Variants in VPS41 observed in about 807,000 individuals in gnomAD.
VPS41 encodes the protein VPS41 subunit of HOPS complex.
In VPS41, 85 loss-of-function variants were observed where a neutral mutation model predicts 130.9. The ratio of observed to expected loss-of-function variants is 0.65; its 90% CI spans 0.55 to 0.78. VPS41 has a LOEUF of 0.78. Among genes scored for constraint, VPS41 ranks in the 30% least tolerant of loss-of-function variants. VPS41 has a pLI of 0.00. For missense variants in VPS41, 874 were observed against 1,018.7 expected (o/e 0.86, Z 1.93); for synonymous variants, 335 against 332.9 (o/e 1.01, Z -0.07).
intron 4 of VPS41, among the ~76,000 whole-genome samples, chr7:38,837,657 G>T (rs1337617505): frequency 1.3e-5 from 2 of 152,176 alleles, no homozygotes; most frequent in Non-Finnish European, 2.9e-5. Context: ...CAGAAGTCTT[G>T]GGTAGATTTG....
chr7:38,821,058 C>T, intron 6 of VPS41, 145 bp downstream of exon 6: 1 of 628,724 alleles, frequency 1.6e-6, no homozygotes. Context: ...TTCACAGCAT[C>T]TAAATAGTAT....
chr7:38,778,596 T>C (rs1013723493), intron 10 of VPS41, among the ~76,000 whole-genome samples: 3 of 152,190 alleles, frequency 2.0e-5, no homozygotes, highest in Admixed American at 6.5e-5. Flanking sequence ...ACTTGCATTC[T>C]GTTTTACTAA....
intron 4 of VPS41, among the ~76,000 whole-genome samples, chr7:38,845,657 C>G (rs1785707863): frequency 6.6e-6 from 1 of 152,218 alleles, no homozygotes; most frequent in Admixed American, 6.5e-5. Context: ...AGACAGAAAA[C>G]TAATGGGACC....
At chr7:38,890,381 G>A (rs1054708671) in intron 2 of VPS41, among the ~76,000 whole-genome samples, 2 of 152,140 alleles carry the variant, frequency 1.3e-5, no homozygotes, top group African/African-American at 4.8e-5. Flanking sequence ...AGTTGGATGT[G>A]CGGCAAGGAG....
intron 2 of VPS41, among the ~76,000 whole-genome samples, chr7:38,893,376 A>C (rs752283728): frequency 6.6e-6 from 1 of 152,246 alleles, no homozygotes; most frequent in Non-Finnish European, 1.5e-5. Flanking sequence ...AACTGAAGCC[A>C]TTCCTGACCA....
chr7:38,729,928 A>T lies in VPS41; in HGVS notation c.2260-1137T>A, dbSNP rs575020002. 1.6e-3 allele frequency among the ~76,000 whole-genome samples: 239 copies of T among 151,496 alleles called. 2 individuals carry two copies. The highest frequency in any genetic ancestry group is 4.9e-3 in the African/African-American group (204 of 41,280). ...AGATGTCATTTCATTTATTATTATT[A>T]TTTTTTTTTAACCAGAACTTGTTGC... On this transcript the variant is annotated intron_variant, in intron 25 of 28. Transcript: ENST00000310301.
chr7:38,897,095 G>A (rs1377173564), intron 2 of VPS41, among the ~76,000 whole-genome samples: 3 of 150,920 alleles, frequency 2.0e-5, no homozygotes, highest in Non-Finnish European at 4.4e-5. Flanking sequence ...TCGGGAGGCT[G>A]AGGCTGGAGA....
At chr7:38,873,060 G>C (rs1307564954) in intron 2 of VPS41, among the ~76,000 whole-genome samples, 1 of 152,100 alleles carries the variant, frequency 6.6e-6, no homozygotes, top group African/African-American at 2.4e-5. Context: ...TGTAAATAAG[G>C]TTTCCCTGTC....
chr7:38,772,166 T>C lies in VPS41; in HGVS notation c.1128+356A>G, dbSNP rs1784166508. 2.6e-5 allele frequency among the ~76,000 whole-genome samples: 4 copies of C among 152,116 alleles called. 1 individual carries two copies. The South Asian group carries it at 8.3e-4, about 31-fold the overall frequency. ...TCAAACCATCCTAAGTGAGTAAAAA[T>C]GTGATAAGTATAAAATAAACGATTT... On this transcript the variant is annotated intron_variant, in intron 13 of 28. Coordinates refer to ENST00000310301, the MANE Select transcript of VPS41 (RefSeq NM_014396.4).
intron 10 of VPS41, among the ~76,000 whole-genome samples, chr7:38,782,260 C>G (rs1784366534): frequency 6.6e-6 from 1 of 152,178 alleles, no homozygotes; most frequent in African/African-American, 2.4e-5. Context: ...AGGTCCTGGG[C>G]CCAGTTCTCA....
rs761179693 is a variant in VPS41, at chr7:38,795,570, G to A, written c.612C>T (p.Thr204=). The A allele has an allele frequency of 6.2e-7, 1 of 1,612,402 alleles. No homozygotes were observed. Among genetic ancestry groups the A allele is most frequent in the East Asian group, 2.2e-5 (1 of 44,762 alleles). The part of the protein sequence containing the change: ...IFDIISKQRI[T]NVPRDDISLR... ...GACTTATATCATCCCGGGGCACATT[G>A]GTGATTCTTTGCTTTGAGATGATGT... is the stretch of plus-strand genomic sequence containing the variant. Residue 204 remains threonine (T), a synonymous_variant, in exon 9 of 29, where the codon ACC becomes ACT. Coordinates refer to ENST00000310301, the MANE Select transcript of VPS41 (RefSeq NM_014396.4).
chr7:38,738,538 TCAA>T (rs1795818881), intron 25 of VPS41, among the ~76,000 whole-genome samples: 10 of 152,104 alleles, frequency 6.6e-5, no homozygotes. Flanking sequence ...ACATAAACGC[TCAA>T]CAACTACATG....
rs186675334 is a variant in VPS41 at position 38,828,366 on chromosome 7, A to G, written c.321+1888T>C. Reference sequence around the variant, plus strand: ...GAATAAACGGTGTAAATTTTAAACAACTGCTGGAATTATGACTTGAAAACT... The same window carrying G: ...GAATAAACGGTGTAAATTTTAAACAGCTGCTGGAATTATGACTTGAAAACT... On this transcript the variant is annotated intron_variant, in intron 5 of 28. Transcript: ENST00000310301. 5.3e-5 allele frequency among the ~76,000 whole-genome samples: 8 copies of G among 152,326 alleles called. No homozygotes were observed. The South Asian group carries it at 6.2e-4, about 12-fold the overall frequency.
intron 10 of VPS41, among the ~76,000 whole-genome samples, chr7:38,780,360 A>G (rs1396808913): frequency 3.3e-5 from 5 of 152,164 alleles, no homozygotes; most frequent in East Asian, 3.9e-4. Context: ...TATGGTGGGC[A>G]TTACAGCTGA....
In VPS41 at chr7:38,754,973, C is replaced by T. The variant is rs376992986; in HGVS notation, c.1696-37G>A. On this transcript the variant is annotated intron_variant, in intron 19 of 28. Coordinates refer to ENST00000310301, the MANE Select transcript of VPS41 (RefSeq NM_014396.4). ...AAGAAAAGCCACAGTCAATGAAATC[C>T]GTTATTTAAGAAGAGAAGACTAAAC... The T allele has an allele frequency of 1.1e-4, 175 of 1,602,408 alleles. No homozygotes were observed. In the African/African-American group the frequency reaches 1.9e-3, roughly 17 times the overall value.
intron 4 of VPS41, among the ~76,000 whole-genome samples, chr7:38,847,939 T>A (rs1457989339): frequency 2.0e-5 from 3 of 152,332 alleles, no homozygotes; most frequent in Non-Finnish European, 1.5e-5. Context: ...ACAAATAATT[T>A]AAATAACTGA....
chr7:38,904,219 G>C (rs974006146), intron 1 of VPS41, among the ~76,000 whole-genome samples: 1 of 152,214 alleles, frequency 6.6e-6, no homozygotes, highest in Non-Finnish European at 1.5e-5. Context: ...GATCTGATGA[G>C]TGTCCTCTCT....
chr7:38,749,192 C>T (rs931593252), intron 22 of VPS41, among the ~76,000 whole-genome samples: 10 of 151,934 alleles, frequency 6.6e-5, no homozygotes, highest in Admixed American at 3.9e-4. Context: ...TTTGATGTGA[C>T]GTCAGGATCT....
At chr7:38,905,921 GTAGCTGGGATTAC>G (rs1399337710) in intron 1 of VPS41, among the ~76,000 whole-genome samples, 1 of 151,776 alleles carries the variant, frequency 6.6e-6, no homozygotes, top group Non-Finnish European at 1.5e-5. Flanking sequence ...AGCCTCCCGA[GTAGCTGGGATTAC>G]AGGCGCCCAC....
Sources: gnomAD v4.1 joint callset for allele counts (sites outside exome capture counted in the v4.1 genomes callset) on GRCh38, gnomAD v4.1.1 for gene constraint, MANE v1.5 for transcripts, NCBI Gene and HGNC (gene_info 2026-07-23, HGNC 2026-07-21) for gene names.